Variants in CFTR observed in about 807,000 individuals in gnomAD.
CFTR encodes the protein cystic fibrosis transmembrane conductance regulator.
In CFTR, 181 loss-of-function variants were observed where a neutral mutation model predicts 171.6. The ratio of observed to expected loss-of-function variants is 1.05; its 90% CI spans 0.93 to 1.19. CFTR has a LOEUF of 1.19. Ranked by LOEUF, CFTR falls within the 50% of genes most tolerant of loss-of-function variation. The pLI is 0.00. For missense variants in CFTR, 1,968 were observed against 1,734.7 expected, an observed-to-expected ratio of 1.13 and a Z score of -2.39; for synonymous variants, 583 against 608.0, an observed-to-expected ratio of 0.96 and a Z score of 0.60.
intron 3 of CFTR, among the ~76,000 whole-genome samples, chr7:117,510,020 AC>A (rs1159165616): frequency 6.6e-6 from 1 of 152,090 alleles, no homozygotes; most frequent in Non-Finnish European, 1.5e-5. Flanking sequence ...CAGTTCATAC[AC>A]CCCCATGAAA....
chr7:117,562,263 A>C (rs778361473), intron 11 of CFTR, among the ~76,000 whole-genome samples: 50 of 152,186 alleles, frequency 3.3e-4, no homozygotes, highest in African/African-American at 1.2e-3. Flanking sequence ...CCTGAGAGAC[A>C]GTTCTTATTA....
chr7:117,498,493 A>G (rs948455424), intron 1 of CFTR, among the ~76,000 whole-genome samples: 1 of 152,200 alleles, frequency 6.6e-6, no homozygotes, highest in African/African-American at 2.4e-5. Flanking sequence ...TACAAGTTTT[A>G]CACAGGACTT....
chr7:117,543,843 T>G (rs1285615718), intron 9 of CFTR, among the ~76,000 whole-genome samples: 1 of 152,238 alleles, frequency 6.6e-6, no homozygotes, highest in East Asian at 1.9e-4. Context: ...TCCATATAAA[T>G]GAGTCTTCCA....
intron 10 of CFTR, among the ~76,000 whole-genome samples, chr7:117,556,918 T>C (rs1288244750): frequency 6.6e-6 from 1 of 152,180 alleles, no homozygotes; most frequent in Non-Finnish European, 1.5e-5. Context: ...ATGAATTAGC[T>C]TTTAGATTTA....
In CFTR at chr7:117,630,983, G is replaced by T. The variant is rs773543370; in HGVS notation, c.3717+3213G>T. 1.6e-4 allele frequency among the ~76,000 whole-genome samples: 25 copies of T among 152,020 alleles called. 1 individual carries two copies. The highest frequency in any genetic ancestry group is 2.1e-4 in the Non-Finnish European group (14 of 67,996). On this transcript the variant is annotated intron_variant, in intron 22 of 26. Coordinates refer to ENST00000003084, the MANE Select transcript of CFTR (RefSeq NM_000492.4). ...CAAGATTGGAGCAAGATAGATAAGAGATTGTGGATTTTTTTTCTTTTTTAT... is the reference window on the plus strand; with the variant it reads ...CAAGATTGGAGCAAGATAGATAAGATATTGTGGATTTTTTTTCTTTTTTAT...
intron 1 of CFTR, among the ~76,000 whole-genome samples, chr7:117,482,740 C>T (rs575373406): frequency 2.0e-5 from 3 of 152,306 alleles, no homozygotes; most frequent in Admixed American, 6.5e-5. Flanking sequence ...CATTTTCTCA[C>T]AACTTTTAAG....
chr7:117,590,627 A>G (rs996796998), intron 13 of CFTR, among the ~76,000 whole-genome samples, 188 bp downstream of exon 13: 1 of 152,032 alleles, frequency 6.6e-6, no homozygotes, highest in Non-Finnish European at 1.5e-5. Context: ...TACTTCCATT[A>G]AAACCTTTTC....
intron 24 of CFTR, among the ~76,000 whole-genome samples, chr7:117,660,494 G>A (rs1793255788): frequency 6.6e-6 from 1 of 151,942 alleles, no homozygotes; most frequent in African/African-American, 2.4e-5. Flanking sequence ...AGCTGGGCAT[G>A]GTGGCAGGCA....
At chr7:117,553,185 A>G (rs1166490696) in intron 10 of CFTR, among the ~76,000 whole-genome samples, 1 of 151,980 alleles carries the variant, frequency 6.6e-6, no homozygotes, top group African/African-American at 2.4e-5. Flanking sequence ...TTTATAAGCC[A>G]CACAGTTCAT....
intron 24 of CFTR, among the ~76,000 whole-genome samples, chr7:117,662,986 AGT>A (rs1793315467): frequency 6.6e-6 from 1 of 152,108 alleles, no homozygotes; most frequent in Admixed American, 6.6e-5. Context: ...ATGGCCATAG[AGT>A]GTGTGGTTTC....
chr7:117,540,035 C>A, intron 7 of CFTR, 65 bp from the exon 8 acceptor site: 1 of 1,380,698 alleles, frequency 7.2e-7, no homozygotes, highest in Non-Finnish European at 1.0e-6. Flanking sequence ...ATCTTCCATT[C>A]CAAGATCCCT....
At position 117,578,207 on chromosome 7, in the gene CFTR, G is replaced by C. The variant is rs879040463; in HGVS notation, c.1585-9532G>C. Among the ~76,000 whole-genome samples the C allele has an allele frequency of 3.3e-5, 5 of 150,822 alleles. No homozygotes were observed. In the East Asian group the frequency reaches 9.7e-4, roughly 29 times the overall value. On this transcript the variant is annotated intron_variant, in intron 11 of 26. Coordinates refer to ENST00000003084, the MANE Select transcript of CFTR (RefSeq NM_000492.4). Reference sequence around the variant, plus strand: ...ACACGTATTTTTTTTTTCCGTTTCTGACACCCCTAAGGCAACAAGGCCAAC... The same window carrying C: ...ACACGTATTTTTTTTTTCCGTTTCTCACACCCCTAAGGCAACAAGGCCAAC...
intron 10 of CFTR, among the ~76,000 whole-genome samples, chr7:117,551,542 A>C (rs568920194): frequency 6.6e-6 from 1 of 152,314 alleles, no homozygotes; most frequent in Admixed American, 6.5e-5. Flanking sequence ...TCTAGGCTGC[A>C]AAAGGATCAT....
chr7:117,594,836 A>G, intron 14 of CFTR, 94 bp from the exon 15 acceptor site: 1 of 1,096,390 alleles, frequency 9.1e-7, no homozygotes, highest in South Asian at 1.3e-5. Flanking sequence ...TTCAAGTAAT[A>G]CTATTCTTTT....
rs780326318 is a variant in CFTR at position 117,508,706 on chromosome 7, C to A, written c.165-328C>A. ...TTTATTTTTTCCACCTTGTTCTAAGCACAGCAATGAGCATTCGTAAAAGCC... is the reference window on the plus strand; with the variant it reads ...TTTATTTTTTCCACCTTGTTCTAAGAACAGCAATGAGCATTCGTAAAAGCC... On this transcript the variant is annotated intron_variant, in intron 2 of 26. Coordinates refer to ENST00000003084, the MANE Select transcript of CFTR (RefSeq NM_000492.4). Among the ~76,000 whole-genome samples the A allele has an allele frequency of 3.2e-4, 49 of 152,322 alleles. No individual in the cohort carries two copies. Among genetic ancestry groups the A allele is most frequent in the Admixed American group, 9.8e-4 (15 of 15,302 alleles).
chr7:117,583,128 T>G (rs1791873730), intron 11 of CFTR, among the ~76,000 whole-genome samples: 1 of 152,208 alleles, frequency 6.6e-6, no homozygotes. Context: ...AAATTGCATT[T>G]GTAGTCTTTG....
At chr7:117,493,681 A>G (rs1798195843) in intron 1 of CFTR, among the ~76,000 whole-genome samples, 1 of 152,142 alleles carries the variant, frequency 6.6e-6, no homozygotes, top group Non-Finnish European at 1.5e-5. Flanking sequence ...TTGTGTCTAC[A>G]TACTGCTCCC....
intron 3 of CFTR, among the ~76,000 whole-genome samples, chr7:117,514,102 T>C (rs1317584989): frequency 1.3e-5 from 2 of 152,214 alleles, no homozygotes; most frequent in Non-Finnish European, 2.9e-5. Flanking sequence ...CACTTAATGA[T>C]TTGACTTTTG....
Position 117,480,052 on chromosome 7 carries a change from G to C in CFTR, c.-43G>C. On this transcript the variant is annotated 5_prime_UTR_variant, in exon 1 of 27. Transcript: ENST00000003084. ...AGTAGGTCTTTGGCATTAGGAGCTTGAGCCCAGACGGCCCTAGCAGGGACC... is the reference window on the plus strand; with the variant it reads ...AGTAGGTCTTTGGCATTAGGAGCTTCAGCCCAGACGGCCCTAGCAGGGACC... The C allele has an allele frequency of 6.2e-7, 1 of 1,601,746 alleles. No individual in the cohort carries two copies. The highest frequency in any genetic ancestry group is 8.6e-7 in the Non-Finnish European group (1 of 1,168,984).
Sources: gnomAD v4.1 joint callset for allele counts (sites outside exome capture counted in the v4.1 genomes callset) on GRCh38, gnomAD v4.1.1 for gene constraint, MANE v1.5 for transcripts, NCBI Gene and HGNC (gene_info 2026-07-23, HGNC 2026-07-21) for gene names.